The following DPPA3 variants were observed in gnomAD, a reference collection of about 807,000 sequenced individuals.
DPPA3 encodes the protein developmental pluripotency-associated protein 3.
In DPPA3, 9 loss-of-function variants were observed where a neutral mutation model predicts 15.6. The observed-to-expected ratio is 0.58, with a 90% CI of 0.35 to 1.01. The LOEUF (loss-of-function observed/expected upper bound fraction) is 1.01. DPPA3 is among the 50% of genes least tolerant of loss of function. The probability of loss-of-function intolerance (pLI) is 0.02; values close to 1 mark genes in which losing one functional copy is unlikely to be tolerated. For synonymous variants in DPPA3, 61 were observed against 70.9 expected (o/e 0.86, Z 0.70); for missense variants, 148 against 194.6 (o/e 0.76, Z 1.42).
At chr12:7,715,066 T>C in intron 1 of DPPA3, 117 bp from the exon 2 acceptor site, 2 of 1,486,148 alleles carry the variant, frequency 1.3e-6, no homozygotes, top group Non-Finnish European at 1.8e-6. Flanking sequence ...TACTGTGACC[T>C]TCCACCCTGA....
At chr12:7,716,841 G>C (rs1193121080) in intron 3 of DPPA3, 126 bp from the exon 4 acceptor site, 1 of 865,204 alleles carries the variant, frequency 1.2e-6, no homozygotes, top group Non-Finnish European at 1.9e-6. Context: ...TTTGGCCCGT[G>C]TGTCCTTTTT....
intron 1 of DPPA3, among the ~76,000 whole-genome samples, chr12:7,713,885 C>T (rs1333666731): frequency 6.6e-6 from 1 of 152,208 alleles, no homozygotes; most frequent in South Asian, 2.1e-4. Context: ...GTGTGGGACA[C>T]GCTTGTAGCG....
intron 1 of DPPA3, among the ~76,000 whole-genome samples, chr12:7,714,862 G>A (rs1471637198): frequency 3.3e-5 from 5 of 152,032 alleles, no homozygotes; most frequent in East Asian, 1.9e-4. Context: ...ACAGGCGCCC[G>A]CCACAACGCC....
chr12:7,716,805 CTT>C lies in DPPA3; in HGVS notation c.370-156_370-155del, dbSNP rs765618191. Among the ~76,000 whole-genome samples, 565 of 152,224 alleles carry C rather than the reference CTT, an allele frequency of 3.7e-3. 1 individual carries two copies. Among genetic ancestry groups the C allele is most frequent in the African/African-American group, 0.011 (462 of 41,556 alleles). ...CATTCTGTGGTACCCATATTTTGATCTTTTTTTCTCCTAAAATGTTTTGCTTT... is the reference window on the plus strand; with the variant it reads ...CATTCTGTGGTACCCATATTTTGATCTTTTTCTCCTAAAATGTTTTGCTTT... On this transcript the variant is annotated intron_variant, in intron 3 of 3. Coordinates refer to ENST00000345088, the MANE Select transcript of DPPA3 (RefSeq NM_199286.4).
intron 2 of DPPA3, 50 bp from the exon 3 acceptor site, chr12:7,716,148 G>A: frequency 6.9e-7 from 1 of 1,445,860 alleles, no homozygotes; most frequent in Non-Finnish European, 9.5e-7. Flanking sequence ...TGTAATATTA[G>A]TAATCTTTTT....
rs3069565 is a variant in DPPA3, at chr12:7,711,720, C to CTT, written c.82+96_82+97dup. On this transcript the variant is annotated intron_variant, in intron 1 of 3. Coordinates refer to ENST00000345088, the MANE Select transcript of DPPA3 (RefSeq NM_199286.4). ...GGTTGGGAGGTCAAAAGGCTGCCGT[C>CTT]TTTTTTTTTTTTTTTTTTTTTTTTT... The CTT allele has an allele frequency of 8.3e-4, 282 of 340,638 alleles. 4 individuals carry two copies. The highest frequency in any genetic ancestry group is 2.9e-3 in the African/African-American group (67 of 22,824). 21.1% of individuals were successfully genotyped at this position (340,638 alleles called of 1,614,324 possible).
At chr12:7,716,077 T>G (rs1341906141) in intron 2 of DPPA3, 121 bp from the exon 3 acceptor site, 1 of 857,852 alleles carries the variant, frequency 1.2e-6, no homozygotes, top group Non-Finnish European at 1.8e-6. Context: ...CAATCCAGCC[T>G]GGGCAACAGA....
intron 1 of DPPA3, among the ~76,000 whole-genome samples, chr12:7,712,926 C>T (rs1255953693): frequency 6.6e-6 from 1 of 152,106 alleles, no homozygotes; most frequent in African/African-American, 2.4e-5. Context: ...AATAAACAGA[C>T]TAACAGCTTC....
Position 7,711,451 on chromosome 12 carries a change from C to T in DPPA3, c.-120C>T, listed in dbSNP as rs761685271. 16 of 785,184 alleles carry T rather than the reference C, an allele frequency of 2.0e-5. No homozygotes were observed. The East Asian group carries it at 3.8e-4, about 19-fold the overall frequency. 48.6% of individuals were successfully genotyped at this position (785,184 alleles called of 1,614,324 possible). A position where few individuals can be genotyped will look rare whatever the true frequency, so the allele number is the denominator to read the frequency against. ...AGTTTACGTCAGTTCTTTGACCATT[C>T]GTTGGAGCTCCGGTTTTCAGCCTCT... On this transcript the variant is annotated 5_prime_UTR_variant, in exon 1 of 4. Coordinates refer to ENST00000345088, the MANE Select transcript of DPPA3 (RefSeq NM_199286.4).
At position 7,716,361 on chromosome 12, in the gene DPPA3, AT is replaced by A. The variant is rs770166497; in HGVS notation, c.369+123del. 55 of 719,612 alleles carry A rather than the reference AT, an allele frequency of 7.6e-5. 1 individual carries two copies. The East Asian group carries it at 1.3e-3, about 16-fold the overall frequency. The allele number at this position is 719,612 out of a possible 1,614,324, so 44.6% of individuals were successfully genotyped here. ...TAGGGAATTTGCTTGGACTTTCTGA[AT>A]CCCCAGGGACTCTGGATAAGTCAGT... is the stretch of plus-strand genomic sequence containing the variant. On this transcript the variant is annotated intron_variant, in intron 3 of 3. Coordinates refer to ENST00000345088, the MANE Select transcript of DPPA3 (RefSeq NM_199286.4).
chr12:7,711,632 A>T lies in DPPA3; in HGVS notation c.62A>T (p.Glu21Val), dbSNP rs1309292967. 6.2e-7 allele frequency: 1 copy of T among 1,612,874 alleles called. No homozygotes were observed. The highest frequency in any genetic ancestry group is 1.7e-5 in the Admixed American group (1 of 59,890). Residue 21 changes from glutamate to valine, a missense_variant, in exon 1 of 4, where the codon GAA (glutamate) becomes GTA (valine). By Grantham distance (121) the Glu-to-Val change is moderately radical. Transcript: ENST00000345088. ...IPGSPQMLTE[E>V]NSRDDSGASQ... ...GGGTCTCCACAAATGCTCACCGAAG[A>T]AAATTCCCGGGACGATTCAGGTAAG...
intron 1 of DPPA3, among the ~76,000 whole-genome samples, chr12:7,714,227 C>CT (rs1341885245): frequency 6.6e-6 from 1 of 151,694 alleles, no homozygotes; most frequent in African/African-American, 2.4e-5. Flanking sequence ...GAGACTCCGT[C>CT]TTAATAATAA....
intron 2 of DPPA3, 109 bp from the exon 3 acceptor site, chr12:7,716,089 A>G: frequency 1.0e-6 from 1 of 971,570 alleles, no homozygotes; most frequent in Non-Finnish European, 1.5e-6. Context: ...GGCAACAGAG[A>G]AAGACCCTGT....
chr12:7,712,527 A>G (rs1288118624), intron 1 of DPPA3, among the ~76,000 whole-genome samples: 1 of 151,956 alleles, frequency 6.6e-6, no homozygotes, highest in Non-Finnish European at 1.5e-5. Context: ...GGCTCACTGC[A>G]ACCTCCGCCT....
chr12:7,717,167 A>C lies in DPPA3; in HGVS notation c.*90A>C. 2 of 831,940 alleles carry C rather than the reference A, an allele frequency of 2.4e-6. No homozygotes were observed. The highest frequency in any genetic ancestry group is 3.9e-6 in the Non-Finnish European group (2 of 508,638). 51.5% of individuals were successfully genotyped at this position (831,940 alleles called of 1,614,324 possible). On this transcript the variant is annotated 3_prime_UTR_variant, in exon 4 of 4. Coordinates refer to ENST00000345088, the MANE Select transcript of DPPA3 (RefSeq NM_199286.4). ...ATGCTAGTATAGACTATACACCAAT[A>C]ATTTTGATAATGAGTTCTAGGATGT... is the stretch of plus-strand genomic sequence containing the variant.
At chr12:7,716,863 C>A (rs1490607058) in intron 3 of DPPA3, 104 bp from the exon 4 acceptor site, 1 of 1,075,322 alleles carries the variant, frequency 9.3e-7, no homozygotes, top group Admixed American at 2.2e-5. Context: ...GTGTGTGTTC[C>A]CTGTTCCAAC....
At position 7,715,448 on chromosome 12, in the gene DPPA3, C is replaced by T. The variant is rs779182060; in HGVS notation, c.327+21C>T. 7 of 1,613,412 alleles carry T rather than the reference C, an allele frequency of 4.3e-6. No individual in the cohort carries two copies. The African/African-American group carries it at 5.3e-5, about 12-fold the overall frequency. ...GTACGGTATGTTGATGTGATGTGGC[C>T]GGGGCTGTCCAATTCCGGAGAGTGA... On this transcript the variant is annotated intron_variant, in intron 2 of 3. Coordinates refer to ENST00000345088, the MANE Select transcript of DPPA3 (RefSeq NM_199286.4).
Position 7,711,547 on chromosome 12 carries a change from G to C in DPPA3, c.-24G>C. Reference sequence around the variant, plus strand: ...GCTACGTTTCAAAGATCCTGGAGAAGCCTAGTGTTGTGTCAAGACGCCGAT... The same window carrying C: ...GCTACGTTTCAAAGATCCTGGAGAACCCTAGTGTTGTGTCAAGACGCCGAT... On this transcript the variant is annotated 5_prime_UTR_variant, in exon 1 of 4. Transcript: ENST00000345088. 6.2e-7 allele frequency: 1 copy of C among 1,609,106 alleles called. No individual in the cohort carries two copies. Among genetic ancestry groups the C allele is most frequent in the Non-Finnish European group, 8.5e-7 (1 of 1,177,560 alleles).
chr12:7,711,662 A>G lies in DPPA3; in HGVS notation c.82+10A>G, dbSNP rs1864344587. 4 of 1,579,662 alleles carry G rather than the reference A, an allele frequency of 2.5e-6. No individual in the cohort carries two copies. Among genetic ancestry groups the G allele is most frequent in the African/African-American group, 2.7e-5 (2 of 72,872 alleles). ...TCCCGGGACGATTCAGGTAAGCCAG[A>G]TAATGCCCTTCTTGACTATCTGACT... On this transcript the variant is annotated intron_variant, in intron 1 of 3. Transcript: ENST00000345088.
Sources: gnomAD v4.1 joint callset for allele counts (sites outside exome capture counted in the v4.1 genomes callset) on GRCh38, gnomAD v4.1.1 for gene constraint, MANE v1.5 for transcripts, NCBI Gene and HGNC (gene_info 2026-07-23, HGNC 2026-07-21) for gene names.